Variants in GALNTL6 observed in about 807,000 individuals in gnomAD.
GALNTL6 encodes the protein polypeptide N-acetylgalactosaminyltransferase-like 6.
In GALNTL6, 46 loss-of-function variants were observed where a neutral mutation model predicts 73.7. The observed-to-expected ratio is 0.62, with a 90% CI of 0.49 to 0.80. The LOEUF is 0.80. Ranked by LOEUF, GALNTL6 falls within the 30% of genes least tolerant of loss-of-function variation. The probability of loss-of-function intolerance (pLI) is 0.00; values close to 1 mark genes in which losing one functional copy is unlikely to be tolerated. For synonymous variants in GALNTL6, 259 were observed against 263.7 expected (o/e 0.98, Z 0.17); for missense variants, 604 against 755.0 (o/e 0.80, Z 2.34).
At chr4:172,418,955 G>T (rs939178020) in intron 5 of GALNTL6, among the ~76,000 whole-genome samples, 1 of 151,724 alleles carries the variant, frequency 6.6e-6, no homozygotes, top group Non-Finnish European at 1.5e-5. Flanking sequence ...GATTTATCAA[G>T]CAATAGGGAA....
intron 2 of GALNTL6, among the ~76,000 whole-genome samples, chr4:172,108,873 C>T (rs1732765669): frequency 6.6e-6 from 1 of 151,734 alleles, no homozygotes; most frequent in African/African-American, 2.4e-5. Flanking sequence ...ATTAGCCGGG[C>T]ATGGTAGCGT....
At chr4:172,353,870 TA>T (rs1219796503) in intron 5 of GALNTL6, among the ~76,000 whole-genome samples, 1 of 152,140 alleles carries the variant, frequency 6.6e-6, no homozygotes, top group African/African-American at 2.4e-5. Context: ...ATAGCAGAGA[TA>T]TTTTTAATGA....
At chr4:172,330,177 C>T (rs1741077576) in intron 4 of GALNTL6, among the ~76,000 whole-genome samples, 1 of 152,198 alleles carries the variant, frequency 6.6e-6, no homozygotes, top group Admixed American at 6.5e-5. Flanking sequence ...GCTGGAGTTG[C>T]AACCGCTTTT....
intron 2 of GALNTL6, among the ~76,000 whole-genome samples, chr4:172,078,657 A>T (rs909224917): frequency 1.3e-5 from 2 of 152,190 alleles, no homozygotes; most frequent in African/African-American, 2.4e-5. Flanking sequence ...GAAAAGCCTG[A>T]TATGTAGAAC....
At chr4:172,293,108 C>A (rs933919373) in intron 3 of GALNTL6, among the ~76,000 whole-genome samples, 3 of 152,098 alleles carry the variant, frequency 2.0e-5, no homozygotes, top group South Asian at 2.1e-4. Context: ...GAGTTGTCTT[C>A]TTTTATTTAT....
At chr4:172,383,771 C>T (rs548799372) in intron 5 of GALNTL6, among the ~76,000 whole-genome samples, 5 of 152,184 alleles carry the variant, frequency 3.3e-5, no homozygotes, top group East Asian at 1.9e-4. Flanking sequence ...TGCTTTTCAT[C>T]GGGTTCAGGA....
intron 5 of GALNTL6, among the ~76,000 whole-genome samples, chr4:172,617,143 T>TTG (rs912384328): frequency 6.6e-6 from 1 of 151,992 alleles, no homozygotes; most frequent in Non-Finnish European, 1.5e-5. Flanking sequence ...GTGTGTTTGT[T>TTG]TGTGTGTGTG....
intron 2 of GALNTL6, among the ~76,000 whole-genome samples, chr4:171,971,244 A>G (rs929099992): frequency 6.6e-6 from 1 of 152,048 alleles, no homozygotes; most frequent in Non-Finnish European, 1.5e-5. Flanking sequence ...CCCACTCCCA[A>G]CCCTATTTCT....
At chr4:172,307,294 A>T (rs963860450) in intron 3 of GALNTL6, among the ~76,000 whole-genome samples, 1 of 151,814 alleles carries the variant, frequency 6.6e-6, no homozygotes, top group Non-Finnish European at 1.5e-5. Context: ...ATGTTTTCCC[A>T]CTCTGTTGGT....
intron 2 of GALNTL6, among the ~76,000 whole-genome samples, chr4:171,963,069 T>A (rs772826643): frequency 3.4e-4 from 12 of 35,356 alleles, no homozygotes; most frequent in African/African-American, 6.4e-4. Context: ...CCCAACCTAC[T>A]TTTTTTTTTT....
intron 2 of GALNTL6, among the ~76,000 whole-genome samples, chr4:172,179,908 A>G (rs1443959939): frequency 6.6e-6 from 1 of 152,158 alleles, no homozygotes; most frequent in East Asian, 1.9e-4. Context: ...ATAAACATAC[A>G]TGTGCATGTG....
At chr4:171,919,906 G>A (rs553482451) in intron 2 of GALNTL6, among the ~76,000 whole-genome samples, 1 of 152,066 alleles carries the variant, frequency 6.6e-6, no homozygotes, top group East Asian at 1.9e-4. Flanking sequence ...CCCATTACTG[G>A]GTGTATACTG....
At chr4:172,729,297 C>G (rs532520366) in intron 5 of GALNTL6, among the ~76,000 whole-genome samples, 2 of 152,030 alleles carry the variant, frequency 1.3e-5, no homozygotes, top group Non-Finnish European at 2.9e-5. Flanking sequence ...ACAAAAAAAT[C>G]TTTTCTCAAA....
intron 5 of GALNTL6, among the ~76,000 whole-genome samples, chr4:172,711,381 C>T (rs1579376595): frequency 6.6e-6 from 1 of 152,048 alleles, no homozygotes; most frequent in South Asian, 2.1e-4. Flanking sequence ...CCTTTGGAGT[C>T]CTGCAGCCCT....
intron 5 of GALNTL6, among the ~76,000 whole-genome samples, chr4:172,788,222 G>C (rs1739772827): frequency 6.6e-6 from 1 of 152,046 alleles, no homozygotes; most frequent in South Asian, 2.1e-4. Context: ...ACAATTAGCT[G>C]GGTTGGGTGG....
chr4:172,927,657 T>C (rs1748128045), intron 8 of GALNTL6, among the ~76,000 whole-genome samples: 1 of 152,124 alleles, frequency 6.6e-6, no homozygotes, highest in South Asian at 2.1e-4. Context: ...TGGCAGCTAA[T>C]GTTGGTCATC....
intron 5 of GALNTL6, among the ~76,000 whole-genome samples, chr4:172,632,621 A>G (rs1739446761): frequency 6.6e-6 from 1 of 152,226 alleles, no homozygotes; most frequent in Non-Finnish European, 1.5e-5. Flanking sequence ...AAAAAAAAGA[A>G]AAATCCATTT....
chr4:172,988,874 AG>A (rs1457066334), intron 10 of GALNTL6, among the ~76,000 whole-genome samples: 3 of 152,272 alleles, frequency 2.0e-5, no homozygotes, highest in Non-Finnish European at 4.4e-5. Context: ...CCAAGAGTTC[AG>A]GCTTGGGAGC....
chr4:172,444,385 A>G (rs1283755975), intron 5 of GALNTL6, among the ~76,000 whole-genome samples: 1 of 152,168 alleles, frequency 6.6e-6, no homozygotes, highest in East Asian at 1.9e-4. Context: ...TTTGCTATCA[A>G]TAATTATCTA....
Sources: allele counts gnomAD v4.1 joint callset (sites outside exome capture counted in the v4.1 genomes callset), GRCh38; gene constraint gnomAD v4.1.1; transcripts MANE v1.5; gene names NCBI Gene and HGNC (gene_info 2026-07-23, HGNC 2026-07-21).